The following SEM1 variants were observed in gnomAD, a reference collection of about 807,000 sequenced individuals.
SEM1 encodes the protein 26S proteasome complex subunit SEM1.
Under a neutral mutation model 12.7 loss-of-function variants are expected in SEM1, and 3 were observed. The observed-to-expected ratio is 0.24, with a 90% CI of 0.11 to 0.61. SEM1 has a LOEUF of 0.61. SEM1 is among the 20% of genes least tolerant of loss of function. The pLI is 0.88. For synonymous variants in SEM1, 30 were observed against 27.8 expected (o/e 1.08, Z -0.25); for missense variants, 59 against 81.3 (o/e 0.73, Z 1.06).
At chr7:96,580,933 G>A in intron 2 of SEM1, among the ~76,000 whole-genome samples, 1 of 152,132 alleles carries the variant, frequency 6.6e-6, no homozygotes, top group East Asian at 1.9e-4. Flanking sequence ...TGTTCACTCT[G>A]ATGGTAGTTT....
At chr7:96,588,396 AC>A (rs1213054710) in intron 2 of SEM1, among the ~76,000 whole-genome samples, 140 of 73,236 alleles carry the variant, frequency 1.9e-3, no homozygotes, top group African/African-American at 6.1e-3. Flanking sequence ...ACACACACAC[AC>A]GAGAGAGAGA....
At chr7:96,504,622 A>T (rs1803687441) in intron 3 of SEM1, among the ~76,000 whole-genome samples, 1 of 152,130 alleles carries the variant, frequency 6.6e-6, no homozygotes, top group Non-Finnish European at 1.5e-5. Flanking sequence ...TTATTTACAT[A>T]AGAAATCATG....
chr7:96,585,795 C>T (rs4335059), intron 2 of SEM1, among the ~76,000 whole-genome samples: 81,613 of 152,032 alleles, frequency 0.54, 23,858 homozygotes, highest in East Asian at 0.67. Flanking sequence ...TTGCGCTTCC[C>T]GAGTGAGGCA....
intron 2 of SEM1, among the ~76,000 whole-genome samples, chr7:96,605,207 G>A (rs1807309811): frequency 6.6e-6 from 1 of 152,106 alleles, no homozygotes; most frequent in Admixed American, 6.5e-5. Flanking sequence ...AGTGAGGAAG[G>A]TCATCAGTTC....
intron 2 of SEM1, among the ~76,000 whole-genome samples, chr7:96,658,543 T>G (rs1193536464): frequency 6.6e-6 from 1 of 152,214 alleles, no homozygotes. Context: ...GAAACAAATG[T>G]TAAATCTGTG....
chr7:96,519,837 A>G (rs779349882), intron 2 of SEM1, among the ~76,000 whole-genome samples: 8 of 152,156 alleles, frequency 5.3e-5, no homozygotes, highest in Non-Finnish European at 8.8e-5. Flanking sequence ...TTTAGATCAC[A>G]TGCAGAGATT....
chr7:96,572,915 C>T (rs1429262224), intron 2 of SEM1, among the ~76,000 whole-genome samples: 1 of 152,134 alleles, frequency 6.6e-6, no homozygotes, highest in African/African-American at 2.4e-5. Flanking sequence ...TTGTGAGAGT[C>T]TAAGTCTCTT....
At chr7:96,704,880 A>G (rs890411529) in intron 1 of SEM1, among the ~76,000 whole-genome samples, 2 of 152,200 alleles carry the variant, frequency 1.3e-5, no homozygotes, top group Admixed American at 6.5e-5. Context: ...GTTCACATAA[A>G]TATTTCTCAA....
intron 1 of SEM1, among the ~76,000 whole-genome samples, chr7:96,490,326 ATTTC>A (rs796281597): frequency 2.2e-4 from 34 of 152,310 alleles, no homozygotes; most frequent in African/African-American, 8.2e-4. Context: ...TATTGAAGGT[ATTTC>A]TTTGTAGAAA....
At chr7:96,638,651 T>G (rs1808501733) in intron 2 of SEM1, among the ~76,000 whole-genome samples, 1 of 151,952 alleles carries the variant, frequency 6.6e-6, no homozygotes, top group Non-Finnish European at 1.5e-5. Flanking sequence ...CAACAATCCA[T>G]TATTATTTCC....
upstream of SEM1, among the ~76,000 whole-genome samples, chr7:96,500,577 G>A (rs1464766260): frequency 6.6e-6 from 1 of 152,072 alleles, no homozygotes; most frequent in Admixed American, 6.6e-5. Context: ...AATATTTTGT[G>A]CATATTCCAG....
intron 2 of SEM1, among the ~76,000 whole-genome samples, chr7:96,546,150 G>A (rs936323656): frequency 1.3e-5 from 2 of 152,102 alleles, no homozygotes; most frequent in Non-Finnish European, 2.9e-5. Flanking sequence ...AGCGATCAAT[G>A]AGGCAAATTC....
rs768880196 is a variant in SEM1 at position 96,595,297 on chromosome 7, G to C, written c.171-88599C>G. Among the ~76,000 whole-genome samples, 97 of 152,140 alleles carry C rather than the reference G, an allele frequency of 6.4e-4. 3 individuals are homozygous for C. Among genetic ancestry groups the C allele is most frequent in the Non-Finnish European group, 1.5e-4 (10 of 68,016 alleles). On this transcript the variant is annotated intron_variant and NMD_transcript_variant, in intron 2 of 3. Transcript: ENST00000466986. ...GGAGGCCAAAGTGGAAGGATCACTT[G>C]AGCCCAGGCATTTGAGACCAGTGTG...
chr7:96,534,987 T>C (rs1389635481), intron 2 of SEM1, among the ~76,000 whole-genome samples: 1 of 151,988 alleles, frequency 6.6e-6, no homozygotes, highest in Admixed American at 6.6e-5. Flanking sequence ...TAATAATTTG[T>C]AAGAGAGCAA....
At chr7:96,536,716 T>G (rs1022521598) in intron 2 of SEM1, among the ~76,000 whole-genome samples, 21 of 151,842 alleles carry the variant, frequency 1.4e-4, no homozygotes, top group Non-Finnish European at 2.4e-4. Flanking sequence ...CAGCTTTGTC[T>G]GAAATTAATA....
chr7:96,590,846 G>A (rs916882113), intron 2 of SEM1, among the ~76,000 whole-genome samples: 2 of 152,162 alleles, frequency 1.3e-5, no homozygotes, highest in Non-Finnish European at 2.9e-5. Flanking sequence ...GTGCTCTGTG[G>A]AGGAAGAAGA....
chr7:96,537,534 A>AT (rs945088066), intron 2 of SEM1, among the ~76,000 whole-genome samples: 2 of 150,800 alleles, frequency 1.3e-5, no homozygotes, highest in East Asian at 2.0e-4. Context: ...GGAATTCTAG[A>AT]TTTTTTTTTC....
intron 2 of SEM1, among the ~76,000 whole-genome samples, chr7:96,693,784 GTGTGTGTATA>G (rs1393956547): frequency 6.7e-6 from 1 of 149,532 alleles, no homozygotes; most frequent in Non-Finnish European, 1.5e-5. Flanking sequence ...GTGTGTGTGT[GTGTGTGTATA>G]TATATATATA....
intron 1 of SEM1, among the ~76,000 whole-genome samples, chr7:96,703,308 T>C (rs1251139941): frequency 6.6e-6 from 1 of 152,194 alleles, no homozygotes; most frequent in African/African-American, 2.4e-5. Flanking sequence ...CTGATTTTGA[T>C]GGTTGTCTTG....
Sources: allele counts gnomAD v4.1 joint callset (sites outside exome capture counted in the v4.1 genomes callset), GRCh38; gene constraint gnomAD v4.1.1; transcripts MANE v1.5; gene names NCBI Gene and HGNC (gene_info 2026-07-23, HGNC 2026-07-21).